The following UBXN2B variants were observed in gnomAD, a reference collection of about 807,000 sequenced individuals.
UBXN2B encodes the protein UBX domain-containing protein 2B.
Under a neutral mutation model 37.5 loss-of-function variants are expected in UBXN2B, and 19 were observed. The observed-to-expected ratio is 0.51, with a 90% CI of 0.35 to 0.74. The LOEUF (loss-of-function observed/expected upper bound fraction) is 0.74. UBXN2B is among the 30% of genes least tolerant of loss of function. UBXN2B has a pLI of 0.01. For missense variants in UBXN2B, 370 were observed against 393.2 expected, an observed-to-expected ratio of 0.94 and a Z score of 0.50; for synonymous variants, 145 against 143.8, an observed-to-expected ratio of 1.01 and a Z score of -0.06.
chr8:58,435,052 G>A, intron 5 of UBXN2B: 1 of 1,442,488 alleles, frequency 6.9e-7, no homozygotes. Context: ...AAAGGATGAG[G>A]AATCAAGTGA....
Position 58,411,485 on chromosome 8 carries a change from G to T in UBXN2B, c.84+16G>T, listed in dbSNP as rs1807635497. ...GGATTTGCAGGTGAGGCGAGGAGCC[G>T]GGGGAGGGAGCGCGGCGGTGGACGC... On this transcript the variant is annotated intron_variant, in intron 1 of 7. Transcript: ENST00000399598. The T allele has an allele frequency of 2.4e-6, 3 of 1,248,406 alleles. No individual in the cohort carries two copies. The highest frequency in any genetic ancestry group is 3.1e-5 in the African/African-American group (2 of 64,438). The allele number at this position is 1,248,406 out of a possible 1,614,324, so 77.3% of individuals were successfully genotyped here. A position where few individuals can be genotyped will look rare whatever the true frequency, so the allele number is the denominator to read the frequency against.
Position 58,448,190 on chromosome 8 carries a change from T to C in UBXN2B, c.*639T>C, listed in dbSNP as rs1450629723. 6.6e-6 allele frequency: 1 copy of C among 151,172 alleles called. No individual in the cohort carries two copies. The highest frequency in any genetic ancestry group is 1.5e-5 in the Non-Finnish European group (1 of 67,750). 9.4% of individuals were successfully genotyped at this position (151,172 alleles called of 1,614,324 possible). ...CAGCAATTCTTTTTTTTTTTTTTTT[T>C]GATATGGAGTTTTGCTCTTGTTGCC... On this transcript the variant is annotated 3_prime_UTR_variant, in exon 8 of 8. Transcript: ENST00000399598.
At chr8:58,422,438 TA>T (rs1162113367) in intron 2 of UBXN2B, among the ~76,000 whole-genome samples, 1 of 152,214 alleles carries the variant, frequency 6.6e-6, no homozygotes, top group African/African-American at 2.4e-5. Context: ...AGCATTTTAT[TA>T]CCATCACAAA....
intron 6 of UBXN2B, among the ~76,000 whole-genome samples, chr8:58,445,596 A>G (rs1808648429): frequency 6.6e-6 from 1 of 152,146 alleles, no homozygotes; most frequent in Non-Finnish European, 1.5e-5. Flanking sequence ...ATGTGAAACC[A>G]TGTCTGTCTG....
intron 5 of UBXN2B, among the ~76,000 whole-genome samples, 176 bp from the exon 6 acceptor site, chr8:58,439,457 G>A (rs1244089115): frequency 6.6e-6 from 1 of 152,046 alleles, no homozygotes; most frequent in Non-Finnish European, 1.5e-5. Flanking sequence ...GTAATGTGAA[G>A]TGACTTTAAA....
At chr8:58,415,226 T>C (rs1325756847) in intron 1 of UBXN2B, among the ~76,000 whole-genome samples, 1 of 152,100 alleles carries the variant, frequency 6.6e-6, no homozygotes, top group Non-Finnish European at 1.5e-5. Flanking sequence ...AAAGGTTTTG[T>C]GAAGGAGAGC....
chr8:58,432,025 C>G (rs1007281096), intron 3 of UBXN2B, among the ~76,000 whole-genome samples: 1 of 152,158 alleles, frequency 6.6e-6, no homozygotes, highest in African/African-American at 2.4e-5. Flanking sequence ...AATATTTTCT[C>G]TCAGAATGTC....
intron 6 of UBXN2B, among the ~76,000 whole-genome samples, chr8:58,440,764 T>C (rs1808518745): frequency 6.6e-6 from 1 of 152,156 alleles, no homozygotes; most frequent in Non-Finnish European, 1.5e-5. Flanking sequence ...TCTCCCCTTA[T>C]TTTTCAAGAT....
At chr8:58,413,717 G>C (rs1807701244) in intron 1 of UBXN2B, among the ~76,000 whole-genome samples, 1 of 152,062 alleles carries the variant, frequency 6.6e-6, no homozygotes, top group South Asian at 2.1e-4. Context: ...CTTCCCAAAA[G>C]GCCTCCCAGC....
At position 58,411,382 on chromosome 8, in the gene UBXN2B, G is replaced by A; in HGVS notation, c.-4G>A. The A allele has an allele frequency of 7.9e-7, 1 of 1,269,542 alleles. No homozygotes were observed. The highest frequency in any genetic ancestry group is 1.0e-6 in the Non-Finnish European group (1 of 1,003,956). The allele number at this position is 1,269,542 out of a possible 1,614,324, so 78.6% of individuals were successfully genotyped here. On this transcript the variant is annotated 5_prime_UTR_variant, in exon 1 of 8. Coordinates refer to ENST00000399598, the MANE Select transcript of UBXN2B (RefSeq NM_001077619.2). ...CCGCAGCGGGCGCCGCTAGCCAGCG[G>A]AAGATGGCGGAGGGCGGAGGCCCTG...
intron 5 of UBXN2B, among the ~76,000 whole-genome samples, chr8:58,438,737 C>T (rs181199074): frequency 4.7e-4 from 71 of 152,246 alleles, no homozygotes; most frequent in Non-Finnish European, 2.1e-4. Flanking sequence ...AATGCTGGAA[C>T]GAGTTAAAAC....
intron 4 of UBXN2B, 25 bp from the exon 5 acceptor site, chr8:58,434,370 T>TATA (rs201070829): frequency 3.3e-5 from 8 of 241,144 alleles, no homozygotes; most frequent in East Asian, 3.0e-4. Flanking sequence ...TATATATATA[T>TATA]TTTTTTTTTT....
chr8:58,426,823 C>A (rs1275666085), intron 2 of UBXN2B: 3 of 579,590 alleles, frequency 5.2e-6, no homozygotes, highest in East Asian at 6.9e-5. Flanking sequence ...GCACAGACCC[C>A]CCTCCAGGCC....
intron 3 of UBXN2B, 72 bp downstream of exon 3, chr8:58,430,741 C>T (rs1173805159): frequency 6.8e-6 from 8 of 1,178,682 alleles, no homozygotes; most frequent in Non-Finnish European, 8.8e-6. Context: ...CTATTATTTG[C>T]AAACATTGTT....
rs189930564 is a variant in UBXN2B at position 58,415,957 on chromosome 8, T to C, written c.85-893T>C. Among the ~76,000 whole-genome samples, 441 of 152,106 alleles carry C rather than the reference T, an allele frequency of 2.9e-3. 5 individuals are homozygous for C. Among genetic ancestry groups the C allele is most frequent in the African/African-American group, 0.01 (423 of 41,524 alleles). On this transcript the variant is annotated intron_variant, in intron 1 of 7. Transcript: ENST00000399598. ...CATTGCCCCAATGCCCTGTTCTTCT[T>C]GGAGGTAGTTTTCATATCATTTGTG...
intron 2 of UBXN2B, among the ~76,000 whole-genome samples, chr8:58,421,879 C>A (rs886557193): frequency 3.3e-5 from 5 of 152,294 alleles, no homozygotes; most frequent in African/African-American, 1.2e-4. Flanking sequence ...TAAATGAAAT[C>A]AATATAACAA....
intron 2 of UBXN2B, among the ~76,000 whole-genome samples, chr8:58,420,353 A>C (rs1002994772): frequency 1.3e-5 from 2 of 152,110 alleles, no homozygotes; most frequent in African/African-American, 4.8e-5. Flanking sequence ...TCATTTTTTT[A>C]AAAAACAGTT....
intron 1 of UBXN2B, among the ~76,000 whole-genome samples, chr8:58,412,696 G>T (rs1807668963): frequency 6.6e-6 from 1 of 152,162 alleles, no homozygotes; most frequent in Admixed American, 6.5e-5. Context: ...ATTTTGGTTT[G>T]CCTCTTAGTC....
chr8:58,437,134 A>G (rs994553839), intron 5 of UBXN2B, among the ~76,000 whole-genome samples: 1 of 152,146 alleles, frequency 6.6e-6, no homozygotes, highest in Non-Finnish European at 1.5e-5. Context: ...TGATAGAAAT[A>G]TGGACAGTGA....
Sources: gnomAD v4.1 joint callset for allele counts (sites outside exome capture counted in the v4.1 genomes callset) on GRCh38, gnomAD v4.1.1 for gene constraint, MANE v1.5 for transcripts, NCBI Gene and HGNC (gene_info 2026-07-23, HGNC 2026-07-21) for gene names.